ENAH: variants seen among roughly 807,000 people sequenced by gnomAD.
ENAH encodes protein enabled homolog.
ENAH carries 23 observed loss-of-function variants against 78.7 expected under a neutral mutation model. That is an observed-to-expected ratio of 0.29 (90% CI 0.21 to 0.41). The LOEUF (loss-of-function observed/expected upper bound fraction) is 0.41, where lower values mean the gene tolerates loss of function less well. Ranked by LOEUF, ENAH falls within the 10% of genes least tolerant of loss-of-function variation. The pLI is 1.00. For missense variants in ENAH, 544 were observed against 691.0 expected (o/e 0.79, Z 2.39); for synonymous variants, 226 against 241.0 (o/e 0.94, Z 0.58).
intron 1 of ENAH, among the ~76,000 whole-genome samples, chr1:225,641,521 G>A (rs11580345): frequency 0.011 from 1,606 of 144,592 alleles, 12 homozygotes; most frequent in South Asian, 0.02. Flanking sequence ...ATGAGTTGCC[G>A]CACACTTCAC....
intron 1 of ENAH, among the ~76,000 whole-genome samples, chr1:225,583,097 A>G (rs1216591144): frequency 4.6e-5 from 7 of 152,186 alleles, no homozygotes; most frequent in African/African-American, 1.7e-4. Flanking sequence ...AGAATTCCAT[A>G]TCCAGGGAAA....
At chr1:225,500,147 C>T (rs561624861) in intron 12 of ENAH, among the ~76,000 whole-genome samples, 14 of 152,306 alleles carry the variant, frequency 9.2e-5, no homozygotes, top group Admixed American at 2.0e-4. Flanking sequence ...TCAATGGCCA[C>T]GTGCTCCCCT....
intron 1 of ENAH, among the ~76,000 whole-genome samples, chr1:225,572,783 G>C (rs1575576029): frequency 6.6e-6 from 1 of 152,324 alleles, no homozygotes; most frequent in East Asian, 1.9e-4. Context: ...GTACTTTTGT[G>C]AAGATCAGGC....
At chr1:225,652,496 C>A in intron 1 of ENAH, 190 bp downstream of exon 1, 1 of 862,374 alleles carries the variant, frequency 1.2e-6, no homozygotes. Flanking sequence ...CCCCAAACCA[C>A]ACGGGTTGGG....
At chr1:225,649,976 G>A (rs1220218085) in intron 1 of ENAH, among the ~76,000 whole-genome samples, 1 of 152,150 alleles carries the variant, frequency 6.6e-6, no homozygotes, top group African/African-American at 2.4e-5. Context: ...CAACTTAAAA[G>A]ACTAACATTA....
At chr1:225,629,480 G>A (rs1316202846) in intron 1 of ENAH, among the ~76,000 whole-genome samples, 4 of 151,562 alleles carry the variant, frequency 2.6e-5, no homozygotes, top group African/African-American at 9.7e-5. Context: ...CCAGCTACTC[G>A]GGAGGCTGAG....
At chr1:225,626,385 A>G (rs1236851174) in intron 1 of ENAH, among the ~76,000 whole-genome samples, 1 of 152,262 alleles carries the variant, frequency 6.6e-6, no homozygotes, top group Admixed American at 6.5e-5. Context: ...TGTTGAAACT[A>G]ATCACCAAGG....
intron 1 of ENAH, among the ~76,000 whole-genome samples, chr1:225,630,307 G>T (rs142882334): frequency 7.3e-4 from 111 of 152,172 alleles, no homozygotes; most frequent in African/African-American, 2.7e-3. Context: ...GGGTAACATA[G>T]CATAATAGTT....
At chr1:225,647,649 A>G (rs1023102846) in intron 1 of ENAH, among the ~76,000 whole-genome samples, 1 of 152,202 alleles carries the variant, frequency 6.6e-6, no homozygotes, top group Non-Finnish European at 1.5e-5. Flanking sequence ...TGCTTAATTA[A>G]ATTATGTTAT....
At chr1:225,606,933 C>A (rs2096959082) in intron 1 of ENAH, among the ~76,000 whole-genome samples, 1 of 147,590 alleles carries the variant, frequency 6.8e-6, no homozygotes, top group Admixed American at 6.8e-5. Flanking sequence ...AATAAAATAA[C>A]TACGTACAGC....
Position 225,575,434 on chromosome 1 carries a change from G to A in ENAH, c.6-8020C>T, listed in dbSNP as rs932258807. ...ATAAACTCTGGCTTCACAGCATCACGTACAGGGTCCACTATAATTGGGCCT... is the reference window on the plus strand; with the variant it reads ...ATAAACTCTGGCTTCACAGCATCACATACAGGGTCCACTATAATTGGGCCT... On this transcript the variant is annotated intron_variant, in intron 1 of 13. Coordinates refer to ENST00000366843, the MANE Select transcript of ENAH (RefSeq NM_018212.6). 4.6e-5 allele frequency among the ~76,000 whole-genome samples: 7 copies of A among 152,116 alleles called. No individual in the cohort carries two copies. The South Asian group carries it at 6.2e-4, about 14-fold the overall frequency.
intron 3 of ENAH, among the ~76,000 whole-genome samples, chr1:225,537,898 G>C (rs1485613381): frequency 6.6e-6 from 1 of 152,080 alleles, no homozygotes; most frequent in Non-Finnish European, 1.5e-5. Flanking sequence ...GTTTAGATTT[G>C]ATTGGCATGA....
intron 1 of ENAH, among the ~76,000 whole-genome samples, chr1:225,606,730 C>T (rs925986814): frequency 6.7e-6 from 1 of 149,084 alleles, no homozygotes; most frequent in Non-Finnish European, 1.5e-5. Context: ...GTAGTCCCAG[C>T]TACTTGAGAG....
intron 12 of ENAH, among the ~76,000 whole-genome samples, 198 bp downstream of exon 12, chr1:225,500,794 G>A (rs1437007368): frequency 2.0e-5 from 3 of 152,110 alleles, no homozygotes; most frequent in African/African-American, 7.2e-5. Context: ...ACTACCTCTG[G>A]ACCTTCATGC....
In ENAH at chr1:225,530,584, G is replaced by A; in HGVS notation, c.404C>T (p.Pro135Leu). ...TTGAATTTCCAATTCTTCTTGGGAT[G>A]GGCCATTTTGAACTTGAGCAGGTAG... The part of the protein sequence containing the change: ...SQLPAQVQNG[P>L]SQEELEIQRR... Residue 135 changes from proline to leucine, a missense_variant, in exon 4 of 14, where the codon CCA becomes CTA. Coordinates refer to ENST00000366843, the MANE Select transcript of ENAH (RefSeq NM_018212.6). The A allele has an allele frequency of 1.2e-6, 2 of 1,613,434 alleles. No homozygotes were observed. The highest frequency in any genetic ancestry group is 1.7e-6 in the Non-Finnish European group (2 of 1,179,510).
chr1:225,625,061 C>T (rs895489767), intron 1 of ENAH, among the ~76,000 whole-genome samples: 1 of 152,172 alleles, frequency 6.6e-6, no homozygotes, highest in African/African-American at 2.4e-5. Flanking sequence ...TATTCTCACA[C>T]ATAACCTGTT....
intron 1 of ENAH, among the ~76,000 whole-genome samples, chr1:225,643,735 A>G (rs1344693820): frequency 1.3e-5 from 2 of 152,164 alleles, no homozygotes; most frequent in South Asian, 2.1e-4. Flanking sequence ...CAGGAGTTCA[A>G]GACCAGCCTG....
chr1:225,583,776 C>G (rs2147786078), intron 1 of ENAH, among the ~76,000 whole-genome samples: 1 of 149,484 alleles, frequency 6.7e-6, no homozygotes, highest in East Asian at 2.0e-4. Context: ...CCACTGCACT[C>G]CAGCCTGGGC....
At chr1:225,609,388 T>A (rs2096975238) in intron 1 of ENAH, among the ~76,000 whole-genome samples, 1 of 149,552 alleles carries the variant, frequency 6.7e-6, no homozygotes, top group Non-Finnish European at 1.5e-5. Flanking sequence ...ATGGCTCCAA[T>A]GTGAATAGTT....
Sources: gnomAD v4.1 joint callset for allele counts (sites outside exome capture counted in the v4.1 genomes callset) on GRCh38, gnomAD v4.1.1 for gene constraint, MANE v1.5 for transcripts, NCBI Gene and HGNC (gene_info 2026-07-23, HGNC 2026-07-21) for gene names.